The following DLGAP2 variants were observed in gnomAD, a reference collection of about 807,000 sequenced individuals.
The protein encoded by DLGAP2 is DLG associated protein 2.
In DLGAP2, 26 loss-of-function variants were observed where a neutral mutation model predicts 100.3. The ratio of observed to expected loss-of-function variants is 0.26; its 90% CI spans 0.19 to 0.36. The LOEUF (loss-of-function observed/expected upper bound fraction) is 0.36. Among genes scored for constraint, DLGAP2 ranks in the 10% least tolerant of loss-of-function variants. The probability of loss-of-function intolerance (pLI) is 1.00; values close to 1 mark genes in which losing one functional copy is unlikely to be tolerated. For synonymous variants in DLGAP2, 886 were observed against 630.1 expected, an observed-to-expected ratio of 1.41 and a Z score of -6.08; for missense variants, 1,858 against 1,453.2, an observed-to-expected ratio of 1.28 and a Z score of -4.53.
At chr8:880,123 T>G (rs1797759229) in intron 1 of DLGAP2, among the ~76,000 whole-genome samples, 1 of 152,160 alleles carries the variant, frequency 6.6e-6, no homozygotes, top group South Asian at 2.1e-4. Flanking sequence ...GGGGAAGTTT[T>G]CTTTGCATCC....
chr8:1,093,906 C>T (rs530370716), intron 2 of DLGAP2, among the ~76,000 whole-genome samples: 1 of 152,362 alleles, frequency 6.6e-6, no homozygotes, highest in South Asian at 2.1e-4. Context: ...CTGTCTGCAT[C>T]TGAGGAAGCG....
At chr8:1,603,568 G>A (rs566043570) in intron 6 of DLGAP2, among the ~76,000 whole-genome samples, 2 of 1,926 alleles carry the variant, frequency 1.0e-3, no homozygotes, top group South Asian at 0.036. Context: ...AGGGTGGAAG[G>A]TGGGTCTCAG....
chr8:1,325,690 C>G (rs933645370), intron 3 of DLGAP2, among the ~76,000 whole-genome samples: 17 of 152,204 alleles, frequency 1.1e-4, no homozygotes, highest in African/African-American at 4.1e-4. Context: ...ATTCCTCTCG[C>G]GTGTGCTGCT....
chr8:1,387,724 G>A (rs536774006), intron 3 of DLGAP2, among the ~76,000 whole-genome samples: 1 of 152,316 alleles, frequency 6.6e-6, no homozygotes, highest in African/African-American at 2.4e-5. Context: ...GGGGTGAAGG[G>A]TGAGAGGAAG....
chr8:999,946 A>C (rs1800898415), intron 2 of DLGAP2, among the ~76,000 whole-genome samples: 1 of 147,948 alleles, frequency 6.8e-6, no homozygotes, highest in South Asian at 2.1e-4. Flanking sequence ...TTTGCACTGG[A>C]TTTTCTCTAG....
At chr8:1,679,186 C>T (rs1421113654) in intron 12 of DLGAP2, 2 of 143,880 alleles carry the variant, frequency 1.4e-5, no homozygotes, top group Non-Finnish European at 3.0e-5. Context: ...AAGGCCGTGT[C>T]ATTCCTCTAC....
chr8:1,516,176 A>T (rs1800370837), intron 4 of DLGAP2, among the ~76,000 whole-genome samples: 1 of 151,710 alleles, frequency 6.6e-6, no homozygotes, highest in African/African-American at 2.4e-5. Context: ...TGAGTGACCA[A>T]GTGAGTTACT....
chr8:1,641,509 A>G (rs1434497727), intron 8 of DLGAP2, among the ~76,000 whole-genome samples: 1 of 152,200 alleles, frequency 6.6e-6, no homozygotes, highest in East Asian at 1.9e-4. Context: ...CGAATTAATC[A>G]TAATACGAAT....
At chr8:1,140,582 G>A (rs1056080463) in intron 2 of DLGAP2, among the ~76,000 whole-genome samples, 1 of 152,062 alleles carries the variant, frequency 6.6e-6, no homozygotes, top group Non-Finnish European at 1.5e-5. Context: ...GCCCCATAGG[G>A]CTCTGGCCCT....
intron 1 of DLGAP2, among the ~76,000 whole-genome samples, chr8:869,393 C>G (rs1257194816): frequency 6.6e-6 from 1 of 152,156 alleles, no homozygotes; most frequent in African/African-American, 2.4e-5. Context: ...AGTTTTGTTT[C>G]TCTAGCTGAA....
intron 2 of DLGAP2, among the ~76,000 whole-genome samples, chr8:1,050,576 C>T (rs1443191044): frequency 6.6e-6 from 1 of 152,216 alleles, no homozygotes; most frequent in African/African-American, 2.4e-5. Flanking sequence ...CAAGGAGCGC[C>T]TGTCCCTGAA....
chr8:1,483,610 C>G (rs1799161050), intron 3 of DLGAP2, among the ~76,000 whole-genome samples: 2 of 143,134 alleles, frequency 1.4e-5, no homozygotes, highest in South Asian at 4.4e-4. Context: ...CAAGGGAAGG[C>G]TGAACTGCTG....
intron 2 of DLGAP2, among the ~76,000 whole-genome samples, chr8:924,643 C>T (rs895338211): frequency 1.3e-5 from 2 of 151,602 alleles, no homozygotes; most frequent in Non-Finnish European, 2.9e-5. Flanking sequence ...AGTGCAATGG[C>T]GCGATCTCTG....
chr8:837,881 T>C (rs2132711236), intron 1 of DLGAP2, among the ~76,000 whole-genome samples: 1 of 143,346 alleles, frequency 7.0e-6, no homozygotes. Flanking sequence ...CACGCCCGGC[T>C]AGTTGTTTTT....
intron 3 of DLGAP2, among the ~76,000 whole-genome samples, chr8:1,342,804 G>A (rs767806454): frequency 5.3e-5 from 8 of 152,190 alleles, no homozygotes; most frequent in Non-Finnish European, 1.0e-4. Context: ...GTGCCTATTT[G>A]TCATTTCTCC....
chr8:807,652 C>A (rs1025842719), intron 1 of DLGAP2, among the ~76,000 whole-genome samples: 1 of 151,172 alleles, frequency 6.6e-6, no homozygotes. Context: ...TATGTTCTCT[C>A]TCCTCTTTTT....
intron 6 of DLGAP2, among the ~76,000 whole-genome samples, chr8:1,614,734 A>T (rs1042274421): frequency 2.0e-5 from 3 of 152,224 alleles, no homozygotes; most frequent in African/African-American, 7.2e-5. Flanking sequence ...ACGATTTTTT[A>T]AAATGTAATA....
chr8:1,453,977 G>A (rs1165318264), intron 3 of DLGAP2, among the ~76,000 whole-genome samples: 3 of 152,232 alleles, frequency 2.0e-5, no homozygotes, highest in Non-Finnish European at 4.4e-5. Context: ...GTGTGGCGCA[G>A]GCGATGTCGG....
chr8:1,218,275 G>T (rs1430118407), intron 2 of DLGAP2, among the ~76,000 whole-genome samples: 1 of 152,190 alleles, frequency 6.6e-6, no homozygotes, highest in Non-Finnish European at 1.5e-5. Context: ...TATGGTAAAA[G>T]GAAGTGGCCC....
Sources: gnomAD v4.1 joint callset for allele counts (sites outside exome capture counted in the v4.1 genomes callset) on GRCh38, gnomAD v4.1.1 for gene constraint, MANE v1.5 for transcripts, NCBI Gene and HGNC (gene_info 2026-07-23, HGNC 2026-07-21) for gene names.